Variants in GRIN2A observed in about 807,000 individuals in gnomAD.
The protein encoded by GRIN2A is glutamate ionotropic receptor NMDA type subunit 2A, also known as glutamate receptor ionotropic, NMDA 2A.
GRIN2A carries 22 observed loss-of-function variants against 113.4 expected under a neutral mutation model. The ratio of observed to expected loss-of-function variants is 0.19; its 90% confidence interval spans 0.14 to 0.28. GRIN2A has a LOEUF of 0.28. GRIN2A is among the 10% of genes least tolerant of loss of function. The probability of loss-of-function intolerance (pLI) is 1.00; values close to 1 mark genes in which losing one functional copy is unlikely to be tolerated. For synonymous variants in GRIN2A, 827 were observed against 738.4 expected, an observed-to-expected ratio of 1.12 and a Z score of -1.94; for missense variants, 1,502 against 1,887.0, an observed-to-expected ratio of 0.80 and a Z score of 3.78.
intron 10 of GRIN2A, among the ~76,000 whole-genome samples, chr16:9,819,771 C>T (rs1365424889): frequency 6.6e-6 from 1 of 151,788 alleles, no homozygotes; most frequent in Admixed American, 6.6e-5. Flanking sequence ...CAAGATGTGC[C>T]TAGTCAACAT....
At chr16:9,990,563 G>GCACACACACACA (rs71157799) in intron 2 of GRIN2A, among the ~76,000 whole-genome samples, 5 of 124,430 alleles carry the variant, frequency 4.0e-5, no homozygotes, top group African/African-American at 1.6e-4. Context: ...GCGCGCGCGC[G>GCACACACACACA]CACACACACA....
chr16:9,822,474 GGGA>G (rs1339268086), intron 9 of GRIN2A, 50 bp from the exon 10 acceptor site: 1 of 1,155,960 alleles, frequency 8.7e-7, no homozygotes, highest in Non-Finnish European at 1.3e-6. Context: ...AGAAAGAGAA[GGGA>G]GGAGGGGGAG....
At chr16:10,074,864 T>G (rs544307075) in intron 2 of GRIN2A, among the ~76,000 whole-genome samples, 1 of 152,232 alleles carries the variant, frequency 6.6e-6, no homozygotes, top group Admixed American at 6.5e-5. Context: ...AACTTTAACA[T>G]GATAAATTTT....
At chr16:10,179,827 T>C (rs572295564) in intron 2 of GRIN2A, 171 bp downstream of exon 2, 3 of 666,134 alleles carry the variant, frequency 4.5e-6, no homozygotes, top group Admixed American at 2.3e-5. Flanking sequence ...CATTCATTTC[T>C]GGGTTGGAGA....
intron 2 of GRIN2A, among the ~76,000 whole-genome samples, chr16:9,981,143 G>A (rs946874373): frequency 6.6e-6 from 1 of 151,998 alleles, no homozygotes; most frequent in East Asian, 1.9e-4. Flanking sequence ...GACAGGAAAT[G>A]CACAAATTAC....
At chr16:10,016,095 G>C (rs2141882318) in intron 2 of GRIN2A, among the ~76,000 whole-genome samples, 1 of 141,004 alleles carries the variant, frequency 7.1e-6, no homozygotes. Context: ...CAGCCTGGGT[G>C]ACAAGAGTGA....
intron 2 of GRIN2A, among the ~76,000 whole-genome samples, chr16:10,068,265 C>T: frequency 6.6e-6 from 1 of 152,230 alleles, no homozygotes; most frequent in African/African-American, 2.4e-5. Flanking sequence ...CTAGTCTGTT[C>T]TTGCATTGCT....
At chr16:9,804,808 G>A (rs550462414) in intron 10 of GRIN2A, among the ~76,000 whole-genome samples, 55 of 152,218 alleles carry the variant, frequency 3.6e-4, no homozygotes, top group African/African-American at 1.3e-3. Flanking sequence ...GTGGCTGTGC[G>A]GGTGCCATTA....
chr16:9,901,097 T>C (rs16966672), intron 3 of GRIN2A, among the ~76,000 whole-genome samples: 4,492 of 152,310 alleles, frequency 0.029, 225 homozygotes, highest in African/African-American at 0.1. Flanking sequence ...GAATATAGAA[T>C]TCATAAAAGC....
At chr16:10,079,022 G>A (rs1047417974) in intron 2 of GRIN2A, among the ~76,000 whole-genome samples, 3 of 152,144 alleles carry the variant, frequency 2.0e-5, no homozygotes, top group Non-Finnish European at 2.9e-5. Flanking sequence ...CATTCAAACA[G>A]CCATGCAACA....
At chr16:9,809,126 T>C (rs1327628480) in intron 10 of GRIN2A, among the ~76,000 whole-genome samples, 2 of 152,126 alleles carry the variant, frequency 1.3e-5, no homozygotes, top group Non-Finnish European at 2.9e-5. Context: ...TATATTAATA[T>C]ATACAAATGC....
At chr16:10,140,701 G>T (rs1567328078) in intron 2 of GRIN2A, among the ~76,000 whole-genome samples, 1 of 152,122 alleles carries the variant, frequency 6.6e-6, no homozygotes. Flanking sequence ...CCTGAACAAT[G>T]TGATTGGTTG....
intron 2 of GRIN2A, among the ~76,000 whole-genome samples, chr16:10,015,524 A>C (rs2046593943): frequency 6.6e-6 from 1 of 152,094 alleles, no homozygotes; most frequent in Non-Finnish European, 1.5e-5. Flanking sequence ...TTTCAAAAAA[A>C]GACTCCCTGA....
intron 2 of GRIN2A, among the ~76,000 whole-genome samples, chr16:9,979,177 G>T (rs1364011758): frequency 2.0e-5 from 3 of 152,150 alleles, no homozygotes; most frequent in Admixed American, 2.0e-4. Context: ...CTGGAGTCTG[G>T]TGAAGAAGAT....
At chr16:10,053,619 C>T (rs7200649) in intron 2 of GRIN2A, among the ~76,000 whole-genome samples, 14,746 of 152,086 alleles carry the variant, frequency 0.097, 787 homozygotes, top group African/African-American at 0.12. Context: ...GGTGGATTGC[C>T]CTGGGGAGAA....
intron 4 of GRIN2A, among the ~76,000 whole-genome samples, chr16:9,890,645 A>C (rs966017435): frequency 6.6e-6 from 1 of 152,244 alleles, no homozygotes; most frequent in Non-Finnish European, 1.5e-5. Context: ...AAGTTTAGGC[A>C]AACTTCTATG....
intron 2 of GRIN2A, among the ~76,000 whole-genome samples, chr16:10,120,601 G>T (rs184672947): frequency 2.0e-5 from 3 of 152,070 alleles, no homozygotes; most frequent in Admixed American, 6.5e-5. Flanking sequence ...ATATACAAGG[G>T]GGGTGGATGC....
chr16:9,957,827 G>C (rs568741075), intron 2 of GRIN2A, among the ~76,000 whole-genome samples: 1 of 152,160 alleles, frequency 6.6e-6, no homozygotes, highest in Non-Finnish European at 1.5e-5. Context: ...CTCTTCTATA[G>C]ACTTGGGCAG....
intron 11 of GRIN2A, among the ~76,000 whole-genome samples, chr16:9,783,294 T>G (rs967770431): frequency 2.0e-5 from 3 of 152,248 alleles, no homozygotes; most frequent in Non-Finnish European, 2.9e-5. Context: ...GGAATCAGGA[T>G]AGCCATTGCG....
Sources: gnomAD v4.1 joint callset for allele counts (sites outside exome capture counted in the v4.1 genomes callset) on GRCh38, gnomAD v4.1.1 for gene constraint, MANE v1.5 for transcripts, NCBI Gene and HGNC (gene_info 2026-07-23, HGNC 2026-07-21) for gene names.